CTNNA3: variants seen among roughly 807,000 people sequenced by gnomAD.
CTNNA3 encodes the protein catenin alpha-3.
In CTNNA3, 76 loss-of-function variants were observed where a neutral mutation model predicts 95.7. That is an observed-to-expected ratio of 0.79 (90% CI 0.66 to 0.96). The LOEUF (loss-of-function observed/expected upper bound fraction) is 0.96. Ranked by LOEUF, CTNNA3 falls within the 40% of genes least tolerant of loss-of-function variation. The pLI, the probability that CTNNA3 is intolerant of heterozygous loss-of-function variation, is 0.00. For synonymous variants in CTNNA3, 431 were observed against 374.4 expected (o/e 1.15, Z -1.74); for missense variants, 1,191 against 1,089.8 (o/e 1.09, Z -1.31).
At chr10:66,156,383 A>G (rs1271580727) in intron 13 of CTNNA3, among the ~76,000 whole-genome samples, 1 of 152,004 alleles carries the variant, frequency 6.6e-6, no homozygotes, top group Non-Finnish European at 1.5e-5. Context: ...CCATCAGGAA[A>G]AAACTAGTAA....
intron 13 of CTNNA3, among the ~76,000 whole-genome samples, chr10:66,240,018 A>G (rs1402459633): frequency 6.6e-6 from 1 of 151,996 alleles, no homozygotes; most frequent in Non-Finnish European, 1.5e-5. Context: ...AGCTATATAG[A>G]TTAATCTATA....
intron 5 of CTNNA3, among the ~76,000 whole-genome samples, chr10:67,416,143 T>C (rs1438991759): frequency 6.6e-6 from 1 of 151,814 alleles, no homozygotes; most frequent in African/African-American, 2.4e-5. Flanking sequence ...AAAAATATAG[T>C]GAGAACTAAT....
intron 1 of CTNNA3, among the ~76,000 whole-genome samples, chr10:67,724,531 G>A (rs1841197969): frequency 6.6e-6 from 1 of 152,080 alleles, no homozygotes; most frequent in Non-Finnish European, 1.5e-5. Context: ...TAGAACACTG[G>A]CTTCTCCAAA....
chr10:67,611,681 AAT>A (rs1160963056), intron 2 of CTNNA3, among the ~76,000 whole-genome samples: 1 of 152,116 alleles, frequency 6.6e-6, no homozygotes, highest in African/African-American at 2.4e-5. Flanking sequence ...GTTCCTTCCC[AAT>A]ATAGTTCTGA....
intron 7 of CTNNA3, among the ~76,000 whole-genome samples, chr10:66,925,277 G>T (rs1847005353): frequency 6.6e-6 from 1 of 152,048 alleles, no homozygotes; most frequent in Admixed American, 6.6e-5. Flanking sequence ...TCATACTATT[G>T]TTTAAAGAGA....
intron 7 of CTNNA3, among the ~76,000 whole-genome samples, chr10:67,089,835 C>G (rs1040094524): frequency 2.0e-5 from 3 of 151,236 alleles, no homozygotes; most frequent in Non-Finnish European, 4.4e-5. Context: ...TTTGTCCATC[C>G]CTTTCACAAG....
chr10:67,214,864 T>A (rs1358740289), intron 6 of CTNNA3, among the ~76,000 whole-genome samples: 1 of 151,916 alleles, frequency 6.6e-6, no homozygotes, highest in African/African-American at 2.4e-5. Flanking sequence ...TTAAAAATAT[T>A]CTTTTGGTCT....
At chr10:67,649,469 A>T (rs1478267756) in intron 1 of CTNNA3, among the ~76,000 whole-genome samples, 1 of 152,236 alleles carries the variant, frequency 6.6e-6, no homozygotes, top group Non-Finnish European at 1.5e-5. Context: ...TAGCCAAAGT[A>T]TCTTTTAAGT....
chr10:67,312,565 A>G (rs35560948), intron 5 of CTNNA3, among the ~76,000 whole-genome samples: 1,766 of 152,306 alleles, frequency 0.012, 26 homozygotes, highest in Non-Finnish European at 0.016. Flanking sequence ...TAAATAGTCA[A>G]TCTCGCTGGA....
intron 7 of CTNNA3, among the ~76,000 whole-genome samples, chr10:66,903,964 T>G (rs1845871496): frequency 6.6e-6 from 1 of 152,174 alleles, no homozygotes; most frequent in South Asian, 2.1e-4. Context: ...CAAGGTAATT[T>G]ATAGATTCAA....
At position 66,929,398 on chromosome 10, in the gene CTNNA3, G is replaced by A. The variant is rs141136184; in HGVS notation, c.1048-153874C>T. Among the ~76,000 whole-genome samples, 30 of 152,288 alleles carry A rather than the reference G, an allele frequency of 2.0e-4. No individual in the cohort carries two copies. The East Asian group carries it at 5.8e-3, about 29-fold the overall frequency. On this transcript the variant is annotated intron_variant, in intron 7 of 17. Coordinates refer to ENST00000433211, the MANE Select transcript of CTNNA3 (RefSeq NM_013266.4). ...TTCCAGTTTTTTCGAAGACCCTAAT[G>A]TAGTTAGTAGAATCCTTAGCTCTGT...
intron 13 of CTNNA3, among the ~76,000 whole-genome samples, chr10:66,111,960 C>T (rs2133781287): frequency 6.6e-6 from 1 of 152,194 alleles, no homozygotes; most frequent in Middle Eastern, 3.4e-3. Flanking sequence ...TTTTGTAAAT[C>T]CTTTGAATTT....
intron 9 of CTNNA3, among the ~76,000 whole-genome samples, chr10:66,705,302 C>T (rs1302454604): frequency 2.6e-5 from 4 of 151,872 alleles, no homozygotes; most frequent in Non-Finnish European, 5.9e-5. Context: ...ATATTCATAT[C>T]GATCCATATA....
chr10:67,107,636 A>C (rs1346449125), intron 7 of CTNNA3, among the ~76,000 whole-genome samples: 1 of 152,216 alleles, frequency 6.6e-6, no homozygotes, highest in Non-Finnish European at 1.5e-5. Flanking sequence ...TCAAAGAGTA[A>C]AAATAAAAAT....
intron 15 of CTNNA3, among the ~76,000 whole-genome samples, chr10:66,036,215 T>A (rs1410863611): frequency 1.3e-5 from 2 of 152,218 alleles, no homozygotes; most frequent in Non-Finnish European, 2.9e-5. Flanking sequence ...ATATTAATCA[T>A]GCAGTTTAAC....
chr10:67,004,635 A>C (rs576610097), intron 7 of CTNNA3, among the ~76,000 whole-genome samples: 41 of 152,330 alleles, frequency 2.7e-4, no homozygotes, highest in African/African-American at 9.4e-4. Flanking sequence ...CAATAAGTCA[A>C]GATAACTGAT....
chr10:66,274,353 T>C (rs949216050), intron 13 of CTNNA3, among the ~76,000 whole-genome samples: 2 of 152,158 alleles, frequency 1.3e-5, no homozygotes, highest in African/African-American at 4.8e-5. Context: ...CCACAGGCCA[T>C]ACAAAACATA....
chr10:67,107,027 A>G (rs1858673238), intron 7 of CTNNA3, among the ~76,000 whole-genome samples: 1 of 152,216 alleles, frequency 6.6e-6, no homozygotes. Context: ...AAAGTTAATA[A>G]GTTTGTTGGG....
Position 67,560,695 on chromosome 10 carries a change from A to G in CTNNA3, c.293-21026T>C, listed in dbSNP as rs1423559547. ...CCAATTAACAGATACAGACTGGCAAATTGGATAAAGATTCAAGACCCATCA... is the reference window on the plus strand; with the variant it reads ...CCAATTAACAGATACAGACTGGCAAGTTGGATAAAGATTCAAGACCCATCA... On this transcript the variant is annotated intron_variant, in intron 3 of 17. Coordinates refer to ENST00000433211, the MANE Select transcript of CTNNA3 (RefSeq NM_013266.4). Among the ~76,000 whole-genome samples, 4 of 152,210 alleles carry G rather than the reference A, an allele frequency of 2.6e-5. No homozygotes were observed. In the East Asian group the frequency reaches 7.7e-4, roughly 29 times the overall value.
Sources: gnomAD v4.1 joint callset for allele counts (sites outside exome capture counted in the v4.1 genomes callset) on GRCh38, gnomAD v4.1.1 for gene constraint, MANE v1.5 for transcripts, NCBI Gene and HGNC (gene_info 2026-07-23, HGNC 2026-07-21) for gene names.